The following ASPH variants were observed in gnomAD, a reference collection of about 807,000 sequenced individuals.
ASPH encodes the protein aspartate beta-hydroxylase, also known as aspartyl/asparaginyl beta-hydroxylase.
A neutral mutation model predicts 118.4 loss-of-function variants in ASPH; 100 were observed. The ratio of observed to expected loss-of-function variants is 0.84; its 90% CI spans 0.72 to 1.00. ASPH has a LOEUF of 1.00. Ranked by LOEUF, ASPH falls within the 50% of genes least tolerant of loss-of-function variation. The pLI, the probability that ASPH is intolerant of heterozygous loss-of-function variation, is 0.00. For synonymous variants in ASPH, 315 were observed against 325.6 expected (o/e 0.97, Z 0.35); for missense variants, 920 against 919.5 (o/e 1.00, Z -0.01).
At chr8:61,680,832 C>A in intron 3 of ASPH, 136 bp downstream of exon 3, 1 of 582,682 alleles carries the variant, frequency 1.7e-6, no homozygotes, top group Non-Finnish European at 2.7e-6. Flanking sequence ...AAAATTTTAA[C>A]AGTAATGAAA....
chr8:61,667,454 C>G (rs1464559159), intron 3 of ASPH, among the ~76,000 whole-genome samples: 1 of 152,110 alleles, frequency 6.6e-6, no homozygotes, highest in Non-Finnish European at 1.5e-5. Flanking sequence ...GCAACCTCTG[C>G]CTCCCGGGTT....
chr8:61,610,930 C>T (rs1422889176), intron 14 of ASPH, among the ~76,000 whole-genome samples: 2 of 152,228 alleles, frequency 1.3e-5, no homozygotes, highest in Non-Finnish European at 2.9e-5. Flanking sequence ...AGCCCATGTG[C>T]ATCAATGGAA....
intron 18 of ASPH, among the ~76,000 whole-genome samples, chr8:61,561,764 A>G (rs550159527): frequency 1.3e-5 from 2 of 149,074 alleles, no homozygotes; most frequent in South Asian, 4.2e-4. Flanking sequence ...CCATCACTAA[A>G]GAATTTTTTA....
chr8:61,583,913 CA>C, intron 15 of ASPH, 30 bp downstream of exon 15: 1 of 1,417,672 alleles, frequency 7.1e-7, no homozygotes, highest in Non-Finnish European at 9.7e-7. Flanking sequence ...TATTTAACAA[CA>C]AAACCATTGC....
intron 2 of ASPH, chr8:61,682,392 T>A: frequency 6.4e-7 from 1 of 1,564,248 alleles, no homozygotes; most frequent in South Asian, 1.1e-5. Context: ...GGATGAGCCA[T>A]TAGAGAGTAA....
intron 15 of ASPH, chr8:61,578,975 C>A: frequency 1.2e-6 from 2 of 1,610,892 alleles, no homozygotes; most frequent in Non-Finnish European, 1.7e-6. Context: ...ACAACAGCCG[C>A]TCCCTGGACA....
chr8:61,632,576 G>C (rs956808149), intron 13 of ASPH: 17 of 436,330 alleles, frequency 3.9e-5, no homozygotes, highest in Middle Eastern at 3.5e-4. Flanking sequence ...CTGCCTAGTA[G>C]TCATCATGTA....
intron 3 of ASPH, chr8:61,662,806 T>C (rs1303766237): frequency 1.4e-5 from 14 of 974,234 alleles, no homozygotes; most frequent in East Asian, 1.1e-4. Context: ...GAAAAATCAA[T>C]GAGATAGCCA....
At chr8:61,709,455 G>A (rs889041242) in intron 1 of ASPH, among the ~76,000 whole-genome samples, 2 of 152,120 alleles carry the variant, frequency 1.3e-5, no homozygotes, top group Non-Finnish European at 2.9e-5. Flanking sequence ...CTGCAGGACC[G>A]AACCAGAGAA....
At chr8:61,659,942 G>A (rs1324832951) in intron 3 of ASPH, 1 of 149,770 alleles carries the variant, frequency 6.7e-6, no homozygotes, top group Non-Finnish European at 1.5e-5. Flanking sequence ...ACCAATAATT[G>A]TTTGGAATGA....
chr8:61,599,487 AAAAAG>A (rs1380475314), intron 14 of ASPH, among the ~76,000 whole-genome samples: 2 of 151,788 alleles, frequency 1.3e-5, no homozygotes, highest in Non-Finnish European at 2.9e-5. Context: ...TCAAAAAAAA[AAAAAG>A]AAAAGAAAAA....
Position 61,518,066 on chromosome 8 carries a change from T to G in ASPH, c.1958A>C (p.Lys653Thr). The G allele has an allele frequency of 6.2e-7, 1 of 1,614,058 alleles. No homozygotes were observed. Among genetic ancestry groups the G allele is most frequent in the South Asian group, 1.1e-5 (1 of 91,078 alleles). The stretch of plus-strand genomic sequence containing the variant: ...TCTGCATCCTGTTGTCTCGGGGAAC[T>G]TTTCTAGTAAGGTACAGGTTTTAGG... Reference protein sequence around the residue: ...GAPKTCTLLEKFPETTGCRRG... With the variant: ...GAPKTCTLLETFPETTGCRRG... Residue 653 changes from lysine to threonine, a missense_variant, in exon 23 of 25, where the codon AAG (lysine) becomes ACG (threonine). Lys to Thr is a moderately conservative substitution (Grantham distance 78). Transcript: ENST00000379454.
chr8:61,585,490 G>A (rs553082229), intron 14 of ASPH, among the ~76,000 whole-genome samples: 5 of 152,258 alleles, frequency 3.3e-5, no homozygotes, highest in East Asian at 3.9e-4. Context: ...AAAGGAAGAC[G>A]GGCTGTTCTT....
At chr8:61,517,733 G>A (rs1163405410) in intron 23 of ASPH, 72 bp from the exon 24 acceptor site, 4 of 1,531,996 alleles carry the variant, frequency 2.6e-6, no homozygotes, top group Middle Eastern at 1.7e-4. Flanking sequence ...TAAGGTGACA[G>A]TACAAAATTA....
chr8:61,691,763 C>T (rs561809159), intron 1 of ASPH, among the ~76,000 whole-genome samples: 3 of 152,276 alleles, frequency 2.0e-5, no homozygotes, highest in South Asian at 2.1e-4. Flanking sequence ...AATGGGTCTC[C>T]GCACAAACTA....
At chr8:61,600,303 C>T (rs1726279106) in intron 14 of ASPH, among the ~76,000 whole-genome samples, 1 of 146,172 alleles carries the variant, frequency 6.8e-6, no homozygotes, top group South Asian at 2.1e-4. Context: ...GAAAGCCTTT[C>T]CTCTAAGAAC....
At chr8:61,654,588 A>T (rs563625894) in intron 3 of ASPH, among the ~76,000 whole-genome samples, 2 of 152,088 alleles carry the variant, frequency 1.3e-5, no homozygotes, top group Admixed American at 6.5e-5. Context: ...GGTCTGGAAA[A>T]TTTTCATTTC....
intron 16 of ASPH, among the ~76,000 whole-genome samples, chr8:61,568,452 G>A (rs1563851486): frequency 6.6e-6 from 1 of 152,316 alleles, no homozygotes; most frequent in East Asian, 1.9e-4. Flanking sequence ...GTCATTCCTT[G>A]AGAATGGGAA....
At position 61,514,526 on chromosome 8, in the gene ASPH, G is replaced by A. The variant is rs557899969; in HGVS notation, c.2126+3002C>T. Among the ~76,000 whole-genome samples, 16 of 152,086 alleles carry A rather than the reference G, an allele frequency of 1.1e-4. No individual in the cohort carries two copies. The East Asian group carries it at 1.4e-3, about 13-fold the overall frequency. ...AGATCGAGACCATCCTGGCTAACAC[G>A]GTGAAACCCCGTCTCTACTAAAAAT... On this transcript the variant is annotated intron_variant, in intron 24 of 24. Transcript: ENST00000379454.
Sources: allele counts gnomAD v4.1 joint callset (sites outside exome capture counted in the v4.1 genomes callset), GRCh38; gene constraint gnomAD v4.1.1; transcripts MANE v1.5; gene names NCBI Gene and HGNC (gene_info 2026-07-23, HGNC 2026-07-21).